SUGP2: variants seen among roughly 807,000 people sequenced by gnomAD.
The protein encoded by SUGP2 is SURP and G-patch domain-containing protein 2.
Under a neutral mutation model 90.5 loss-of-function variants are expected in SUGP2, and 24 were observed. The ratio of observed to expected loss-of-function variants is 0.27; its 90% CI spans 0.19 to 0.37. The LOEUF is 0.37. SUGP2 is among the 10% of genes least tolerant of loss of function. The pLI, the probability that SUGP2 is intolerant of heterozygous loss-of-function variation, is 1.00. For synonymous variants in SUGP2, 473 were observed against 513.4 expected (o/e 0.92, Z 1.06); for missense variants, 1,233 against 1,363.3 (o/e 0.90, Z 1.51).
chr19:19,022,188 G>A (rs2058753844), intron 3 of SUGP2, among the ~76,000 whole-genome samples: 2 of 152,212 alleles, frequency 1.3e-5, no homozygotes, highest in African/African-American at 4.8e-5. Flanking sequence ...GTTTCACCGT[G>A]TTAGCCAGGA....
intron 4 of SUGP2, among the ~76,000 whole-genome samples, chr19:19,017,422 A>G (rs2058541245): frequency 6.6e-6 from 1 of 152,204 alleles, no homozygotes; most frequent in African/African-American, 2.4e-5. Flanking sequence ...ATGCTGCTAA[A>G]CAGCCTGCAA....
At chr19:19,003,036 C>G (rs188236893) in intron 7 of SUGP2, among the ~76,000 whole-genome samples, 1 of 152,122 alleles carries the variant, frequency 6.6e-6, no homozygotes, top group African/African-American at 2.4e-5. Flanking sequence ...CTCAAGCTCC[C>G]GGGCTCAAGC....
At chr19:18,998,701 T>C (rs1280767989) in intron 8 of SUGP2, among the ~76,000 whole-genome samples, 1 of 152,060 alleles carries the variant, frequency 6.6e-6, no homozygotes, top group East Asian at 1.9e-4. Flanking sequence ...CATAATGGCA[T>C]GAGGTGGTCT....
At position 18,991,104 on chromosome 19, in the gene SUGP2, A is replaced by G. The variant is rs919790990; in HGVS notation, c.*2637T>C. 6.6e-6 allele frequency: 1 copy of G among 152,184 alleles called. No individual in the cohort carries two copies. Among genetic ancestry groups the G allele is most frequent in the Non-Finnish European group, 1.5e-5 (1 of 68,040 alleles). The allele number at this position is 152,184 out of a possible 1,614,324, so 9.4% of individuals were successfully genotyped here. A position where few individuals can be genotyped will look rare whatever the true frequency, so the allele number is the denominator to read the frequency against. ...ACAGTAAAGCACCCAGAGTGGCGAG[A>G]GAGCACTTCCAGATGCCTGTTGTCC... On this transcript the variant is annotated 3_prime_UTR_variant, in exon 11 of 11. Coordinates refer to ENST00000452918, the MANE Select transcript of SUGP2 (RefSeq NM_001017392.5).
rs2057340407 is a variant in SUGP2 at position 18,991,060 on chromosome 19, T to G, written c.*2681A>C. 6.6e-6 allele frequency: 1 copy of G among 152,028 alleles called. No individual in the cohort carries two copies. Among genetic ancestry groups the G allele is most frequent in the South Asian group, 2.1e-4 (1 of 4,810 alleles). The allele number at this position is 152,028 out of a possible 1,614,324, so 9.4% of individuals were successfully genotyped here. On this transcript the variant is annotated 3_prime_UTR_variant, in exon 11 of 11. Transcript: ENST00000452918. ...CTACAATTCTCTAAGTGATTTCCAGTGATGGAAACAAGCCAGAGACAGTAA... is the reference window on the plus strand; with the variant it reads ...CTACAATTCTCTAAGTGATTTCCAGGGATGGAAACAAGCCAGAGACAGTAA...
rs377629625 is a variant in SUGP2, at chr19:19,005,953, C to T, written c.2451-1307G>A. Among the ~76,000 whole-genome samples the T allele has an allele frequency of 4.0e-5, 6 of 151,748 alleles. No homozygotes were observed. In the South Asian group the frequency reaches 8.3e-4, roughly 21 times the overall value. ...TCAGCAGAAACAAATGAATCTGGGC[C>T]GGGCATGGTGGCTCATGCCTCCCAG... On this transcript the variant is annotated intron_variant, in intron 6 of 10. Transcript: ENST00000452918.
intron 2 of SUGP2, among the ~76,000 whole-genome samples, chr19:19,026,891 G>T (rs2058955949): frequency 6.6e-6 from 1 of 152,164 alleles, no homozygotes; most frequent in South Asian, 2.1e-4. Context: ...ACAGACCGAG[G>T]CAGGCAGGAG....
At position 19,004,563 on chromosome 19, in the gene SUGP2, G is replaced by A; in HGVS notation, c.2534C>T (p.Ser845Leu). The change falls in exon 7 of 11, where the codon TCA becomes TTA. Residue 845 changes from serine to leucine, a missense_variant. Ser to Leu is a moderately radical substitution (Grantham distance 145). Transcript: ENST00000452918. ...ACCAGTGTGAAGGTTGTGCGGAGAT[G>A]ACGTGAAACAAATTGATGGACATAG... is the stretch of plus-strand genomic sequence containing the variant. Reference protein sequence around the residue: ...FELCPSICFTSSPHNLHTGGG... With the variant: ...FELCPSICFTLSPHNLHTGGG... 1 of 1,614,264 alleles carries A rather than the reference G, an allele frequency of 6.2e-7. No individual in the cohort carries two copies. Among genetic ancestry groups the A allele is most frequent in the South Asian group, 1.1e-5 (1 of 91,084 alleles).
At chr19:19,013,433 A>G (rs537537283) in intron 4 of SUGP2, among the ~76,000 whole-genome samples, 1 of 152,238 alleles carries the variant, frequency 6.6e-6, no homozygotes, top group South Asian at 2.1e-4. Flanking sequence ...TCTCTATAGT[A>G]GTACGGAAGT....
At chr19:19,023,321 TTTG>T (rs2058799085) in intron 3 of SUGP2, among the ~76,000 whole-genome samples, 1 of 152,170 alleles carries the variant, frequency 6.6e-6, no homozygotes, top group African/African-American at 2.4e-5. Flanking sequence ...TGACTGTTTT[TTTG>T]TTTTGGTTTA....
intron 7 of SUGP2, among the ~76,000 whole-genome samples, chr19:19,003,020 G>C (rs1169465959): frequency 6.6e-6 from 1 of 151,948 alleles, no homozygotes; most frequent in Non-Finnish European, 1.5e-5. Flanking sequence ...TCTTGCCCAG[G>C]CTGGTCTCAA....
intron 8 of SUGP2, among the ~76,000 whole-genome samples, chr19:18,997,959 G>A (rs2057678593): frequency 6.6e-6 from 1 of 152,000 alleles, no homozygotes; most frequent in Admixed American, 6.6e-5. Flanking sequence ...AGAACACAAG[G>A]GCCTTGGATC....
At chr19:19,006,812 C>T (rs2058094073) in intron 6 of SUGP2, among the ~76,000 whole-genome samples, 1 of 152,192 alleles carries the variant, frequency 6.6e-6, no homozygotes. Flanking sequence ...GTCAGTGCCC[C>T]ACAAGGCAGG....
At chr19:19,028,931 C>G (rs1463045270) in intron 2 of SUGP2, among the ~76,000 whole-genome samples, 6 of 152,166 alleles carry the variant, frequency 3.9e-5, no homozygotes, top group Non-Finnish European at 7.3e-5. Context: ...AGGTGATCTG[C>G]CCACCTTGGC....
In SUGP2 at chr19:19,009,733, G is replaced by A; in HGVS notation, c.2338+122C>T. 6.2e-6 allele frequency: 8 copies of A among 1,299,524 alleles called. No individual in the cohort carries two copies. In the South Asian group the frequency reaches 8.9e-5, roughly 14 times the overall value. The allele number at this position is 1,299,524 out of a possible 1,614,324, so 80.5% of individuals were successfully genotyped here. A position where few individuals can be genotyped will look rare whatever the true frequency, so the allele number is the denominator to read the frequency against. ...CAACATGTACACTTGTCCTGGCCAG[G>A]TCCCTAGAGCTTTTATCCACTGCCT... On this transcript the variant is annotated intron_variant, in intron 5 of 10. Transcript: ENST00000452918.
Position 19,033,459 on chromosome 19 carries a change from C to G in SUGP2, c.-34G>C, listed in dbSNP as rs1440306571. On this transcript the variant is annotated 5_prime_UTR_variant, in exon 1 of 11. Transcript: ENST00000452918. ...CACCCCGAGACCACCGCGCGCGGAG[C>G]CACCCCCGCCGCCGCCTCAGGCTCC... 2 of 1,398,444 alleles carry G rather than the reference C, an allele frequency of 1.4e-6. No individual in the cohort carries two copies. The highest frequency in any genetic ancestry group is 1.9e-6 in the Non-Finnish European group (2 of 1,075,942). The allele number at this position is 1,398,444 out of a possible 1,614,324, so 86.6% of individuals were successfully genotyped here. A position where few individuals can be genotyped will look rare whatever the true frequency, so the allele number is the denominator to read the frequency against.
intron 5 of SUGP2, among the ~76,000 whole-genome samples, chr19:19,008,794 ACACCAT>A (rs999579964): frequency 1.2e-4 from 19 of 152,314 alleles, no homozygotes; most frequent in African/African-American, 4.6e-4. Context: ...TGGCCCAGCC[ACACCAT>A]CATCTCAGCT....
At chr19:18,996,560 T>G (rs1264538325) in intron 8 of SUGP2, among the ~76,000 whole-genome samples, 1 of 151,976 alleles carries the variant, frequency 6.6e-6, no homozygotes, top group Non-Finnish European at 1.5e-5. Context: ...TTTTGATGTT[T>G]TTTTTTTTTT....
intron 2 of SUGP2, 84 bp from the exon 3 acceptor site, chr19:19,026,310 C>T: frequency 7.4e-7 from 1 of 1,351,220 alleles, no homozygotes. Flanking sequence ...AACAAACAGT[C>T]CACGGATCAC....
Sources: gnomAD v4.1 joint callset for allele counts (sites outside exome capture counted in the v4.1 genomes callset) on GRCh38, gnomAD v4.1.1 for gene constraint, MANE v1.5 for transcripts, NCBI Gene and HGNC (gene_info 2026-07-23, HGNC 2026-07-21) for gene names.